Variants in ZC3H4 observed in about 807,000 individuals in gnomAD.
The protein encoded by ZC3H4 is zinc finger CCCH-type containing 4, also known as zinc finger CCCH domain-containing protein 4.
ZC3H4 carries 13 observed loss-of-function variants against 108.3 expected under a neutral mutation model. That is an observed-to-expected ratio of 0.12 (90% confidence interval 0.08 to 0.19). The LOEUF (loss-of-function observed/expected upper bound fraction) is 0.19. Ranked by LOEUF, ZC3H4 falls within the 10% of genes least tolerant of loss-of-function variation. The probability of loss-of-function intolerance (pLI) is 1.00; values close to 1 mark genes in which losing one functional copy is unlikely to be tolerated. For synonymous variants in ZC3H4, 917 were observed against 749.6 expected, an observed-to-expected ratio of 1.22 and a Z score of -3.65; for missense variants, 1,734 against 1,838.8, an observed-to-expected ratio of 0.94 and a Z score of 1.04.
At chr19:47,109,793 C>CT (rs2123115336) in intron 2 of ZC3H4, among the ~76,000 whole-genome samples, 1 of 152,256 alleles carries the variant, frequency 6.6e-6, no homozygotes, top group Non-Finnish European at 1.5e-5. Flanking sequence ...CCAGGGTTCT[C>CT]TAAGTATGTC....
chr19:47,069,014 C>T (rs1250593098), intron 14 of ZC3H4, 78 bp downstream of exon 14: 15 of 1,588,500 alleles, frequency 9.4e-6, no homozygotes, highest in African/African-American at 1.3e-5. Flanking sequence ...GGAAACCCAA[C>T]CTGGAACACC....
intron 13 of ZC3H4, among the ~76,000 whole-genome samples, chr19:47,071,562 AAG>A (rs1887929789): frequency 2.6e-5 from 4 of 152,222 alleles, no homozygotes. Context: ...CAAAATTAAA[AAG>A]AAATAACCTA....
intron 2 of ZC3H4, among the ~76,000 whole-genome samples, chr19:47,111,722 G>C (rs541385882): frequency 6.6e-6 from 1 of 151,694 alleles, no homozygotes; most frequent in South Asian, 2.1e-4. Flanking sequence ...CTAGGGGATA[G>C]CTAAAAAACA....
chr19:47,088,144 G>A (rs2057664503), intron 5 of ZC3H4, among the ~76,000 whole-genome samples: 1 of 152,126 alleles, frequency 6.6e-6, no homozygotes, highest in African/African-American at 2.4e-5. Context: ...CTGCACTGCA[G>A]ACTGGGCAAC....
chr19:47,112,595 G>T lies in ZC3H4; in HGVS notation c.-5-6C>A, dbSNP rs113427693. On this transcript the variant is annotated splice_region_variant and splice_polypyrimidine_tract_variant and intron_variant, in intron 1 of 14. Transcript: ENST00000253048. ...GGGCGCGGCCTCCATAGTTCCTTTG[G>T]GGGGGAGGGGATGTTAATGCACGAA... The T allele has an allele frequency of 3.5e-4, 428 of 1,206,396 alleles. No individual in the cohort carries two copies. Among genetic ancestry groups the T allele is most frequent in the Middle Eastern group, 2.2e-3 (7 of 3,154 alleles). 74.7% of individuals were successfully genotyped at this position (1,206,396 alleles called of 1,614,324 possible). A position where few individuals can be genotyped will look rare whatever the true frequency, so the allele number is the denominator to read the frequency against.
At chr19:47,112,329 C>T in intron 2 of ZC3H4, 95 bp downstream of exon 2, 1 of 1,188,566 alleles carries the variant, frequency 8.4e-7, no homozygotes, top group East Asian at 3.2e-5. Context: ...CCTCCTCCTC[C>T]TCCGCGGCCC....
rs186164625 is a variant in ZC3H4 at position 47,092,138 on chromosome 19, G to A, written c.492+1832C>T. Reference sequence around the variant, plus strand: ...AAGATCACCTGAGCCCAGGGAGCTCGAGGCTGCAGTGAGGTGAGATCACAC... The same window carrying A: ...AAGATCACCTGAGCCCAGGGAGCTCAAGGCTGCAGTGAGGTGAGATCACAC... On this transcript the variant is annotated intron_variant, in intron 4 of 14. Transcript: ENST00000253048. Among the ~76,000 whole-genome samples the A allele has an allele frequency of 1.8e-3, 278 of 152,036 alleles. 2 individuals are homozygous for A. Among genetic ancestry groups the A allele is most frequent in the Middle Eastern group, 6.8e-3 (2 of 294 alleles).
intron 9 of ZC3H4, 107 bp downstream of exon 9, chr19:47,084,238 A>G (rs536050223): frequency 9.6e-6 from 10 of 1,042,782 alleles, no homozygotes; most frequent in South Asian, 2.8e-5. Context: ...CAAGGACTAC[A>G]CAGTCACTCC....
At chr19:47,111,722 G>A (rs541385882) in intron 2 of ZC3H4, among the ~76,000 whole-genome samples, 1 of 151,576 alleles carries the variant, frequency 6.6e-6, no homozygotes, top group Non-Finnish European at 1.5e-5. Context: ...CTAGGGGATA[G>A]CTAAAAAACA....
chr19:47,099,475 A>G (rs1438484012), intron 2 of ZC3H4, among the ~76,000 whole-genome samples: 1 of 151,258 alleles, frequency 6.6e-6, no homozygotes, highest in Non-Finnish European at 1.5e-5. Flanking sequence ...AAAAAAAAGA[A>G]AAAAAGAAAG....
At chr19:47,079,779 C>G (rs763453687) in intron 11 of ZC3H4, among the ~76,000 whole-genome samples, 1 of 152,148 alleles carries the variant, frequency 6.6e-6, no homozygotes, top group Non-Finnish European at 1.5e-5. Context: ...CCCAGCTACT[C>G]GGGAGGCTGA....
intron 11 of ZC3H4, among the ~76,000 whole-genome samples, chr19:47,073,632 T>A (rs983480074): frequency 6.6e-6 from 1 of 152,222 alleles, no homozygotes; most frequent in Admixed American, 6.5e-5. Flanking sequence ...AACAATGTTA[T>A]GTAACCGCCA....
chr19:47,112,839 G>GC (rs143671586), intron 1 of ZC3H4, among the ~76,000 whole-genome samples: 8,179 of 147,914 alleles, frequency 0.055, 444 homozygotes, highest in East Asian at 0.2. Context: ...AGGGGCGAGA[G>GC]CCCCCCCCCC....
rs1406582114 is a variant in ZC3H4 at position 47,064,237 on chromosome 19, A to C, written c.*2119T>G. 2.0e-5 allele frequency: 3 copies of C among 152,684 alleles called. No homozygotes were observed. Among genetic ancestry groups the C allele is most frequent in the Non-Finnish European group, 4.4e-5 (3 of 68,044 alleles). The allele number at this position is 152,684 out of a possible 1,614,324, so 9.5% of individuals were successfully genotyped here. A position where few individuals can be genotyped will look rare whatever the true frequency, so the allele number is the denominator to read the frequency against. ...TGGCAGTAATACAATTACTGGATTA[A>C]GAGACCACAGGAGAAAGGCAGGTGA... is the stretch of plus-strand genomic sequence containing the variant. On this transcript the variant is annotated 3_prime_UTR_variant, in exon 15 of 15. Coordinates refer to ENST00000253048, the MANE Select transcript of ZC3H4 (RefSeq NM_015168.2).
At position 47,067,850 on chromosome 19, in the gene ZC3H4, G is replaced by A. The variant is rs1483431074; in HGVS notation, c.2418C>T (p.Tyr806=). Residue 806 remains tyrosine (Y), a synonymous_variant, in exon 15 of 15, where the codon TAC becomes TAT. Coordinates refer to ENST00000253048, the MANE Select transcript of ZC3H4 (RefSeq NM_015168.2). This position sits in a 1 kb window ranked among gnomAD's most constrained non-coding sequence, Gnocchi z 6.4. ...ENEEGDTGNW[Y]SSDEDEGGSS... Reference sequence around the variant, plus strand: ...TTCCACCCTCATCCTCATCACTTGAGTACCAGTTTCCGGTGTCACCTGGGA... The same window carrying A: ...TTCCACCCTCATCCTCATCACTTGAATACCAGTTTCCGGTGTCACCTGGGA... 6.3e-7 allele frequency: 1 copy of A among 1,599,926 alleles called. No individual in the cohort carries two copies. The highest frequency in any genetic ancestry group is 1.1e-5 in the South Asian group (1 of 88,982).
chr19:47,089,910 G>A (rs1369064378), intron 5 of ZC3H4, 57 bp downstream of exon 5: 2 of 1,586,546 alleles, frequency 1.3e-6, no homozygotes, highest in Admixed American at 1.7e-5. Flanking sequence ...CAGGCCACCG[G>A]GGTTGGCCCG....
At chr19:47,103,308 ATTT>A (rs1568567226) in intron 2 of ZC3H4, among the ~76,000 whole-genome samples, 1 of 152,098 alleles carries the variant, frequency 6.6e-6, no homozygotes, top group African/African-American at 2.4e-5. Context: ...ATAATTATTT[ATTT>A]ATTTATTTCT....
intron 2 of ZC3H4, among the ~76,000 whole-genome samples, chr19:47,105,924 T>C (rs1193010968): frequency 6.6e-6 from 1 of 152,158 alleles, no homozygotes; most frequent in African/African-American, 2.4e-5. Flanking sequence ...CACCACAGTA[T>C]AATGGTATGT....
At chr19:47,084,189 G>A (rs57090125) in intron 9 of ZC3H4, among the ~76,000 whole-genome samples, 156 bp downstream of exon 9, 2,774 of 152,126 alleles carry the variant, frequency 0.018, 89 homozygotes, top group African/African-American at 0.064. Flanking sequence ...CTTTCAGGCC[G>A]CCCAGGCAAC....
Sources: allele counts gnomAD v4.1 joint callset (sites outside exome capture counted in the v4.1 genomes callset), GRCh38; gene constraint gnomAD v4.1.1; non-coding constraint Gnocchi (gnomAD v3.1); transcripts MANE v1.5; gene names NCBI Gene and HGNC (gene_info 2026-07-23, HGNC 2026-07-21).